The following DDX59 variants were observed in gnomAD, a reference collection of about 807,000 sequenced individuals.
The protein encoded by DDX59 is DEAD-box helicase 59.
In DDX59, 30 loss-of-function variants were observed where a neutral mutation model predicts 51.9. The observed-to-expected ratio is 0.58, with a 90% CI of 0.43 to 0.78. The LOEUF (loss-of-function observed/expected upper bound fraction) is 0.78. DDX59 is among the 30% of genes least tolerant of loss of function. The probability of loss-of-function intolerance (pLI) is 0.00; values close to 1 mark genes in which losing one functional copy is unlikely to be tolerated. For synonymous variants in DDX59, 255 were observed against 253.3 expected (o/e 1.01, Z -0.06); for missense variants, 672 against 730.8 (o/e 0.92, Z 0.93).
Position 200,660,915 on chromosome 1 carries a change from C to T in DDX59, c.973-1799G>A, listed in dbSNP as rs553544986. Among the ~76,000 whole-genome samples, 102 of 152,290 alleles carry T rather than the reference C, an allele frequency of 6.7e-4. 1 individual carries two copies. Among genetic ancestry groups the T allele is most frequent in the Non-Finnish European group, 1.2e-3 (81 of 68,018 alleles). On this transcript the variant is annotated intron_variant, in intron 3 of 7. Transcript: ENST00000331314. The stretch of plus-strand genomic sequence containing the variant: ...GATCCTGGAACCAATCCCTGGCAGA[C>T]GCCCAGCGATGACTGTATTCCCTAG...
At chr1:200,643,437 A>C (rs988830840), downstream of DDX59, among the ~76,000 whole-genome samples, 14 of 152,148 alleles carry the variant, frequency 9.2e-5, no homozygotes, top group African/African-American at 3.4e-4. Context: ...AAGTCAGGAG[A>C]TTGAGACCAT....
chr1:200,666,846 C>G, intron 1 of DDX59, 95 bp from the exon 2 acceptor site: 8 of 1,273,888 alleles, frequency 6.3e-6, no homozygotes, highest in Non-Finnish European at 8.6e-6. Flanking sequence ...GGTGGCTCAC[C>G]CCTGTAATCC....
rs777404977 is a variant in DDX59 at position 200,649,843 on chromosome 1, C to CTT, written c.1314+580_1314+581dup. Among the ~76,000 whole-genome samples the CTT allele has an allele frequency of 2.0e-3, 282 of 140,008 alleles. 2 individuals are homozygous for CTT. Among genetic ancestry groups the CTT allele is most frequent in the African/African-American group, 7.0e-3 (266 of 38,064 alleles). The allele number at this position is 140,008 out of a possible 152,430, so 91.9% of individuals were successfully genotyped here. On this transcript the variant is annotated intron_variant, in intron 5 of 7. Transcript: ENST00000331314. The stretch of plus-strand genomic sequence containing the variant: ...AATACCAACCATATTTAACTTAATA[C>CTT]TTTTTTTTTTTTTTTTTGAGACAGA...
At chr1:200,656,481 C>T (rs1175965462) in intron 4 of DDX59, among the ~76,000 whole-genome samples, 2 of 152,172 alleles carry the variant, frequency 1.3e-5, no homozygotes, top group Non-Finnish European at 2.9e-5. Flanking sequence ...TGATGCCATC[C>T]AAACTTATCC....
chr1:200,650,734 C>A, intron 4 of DDX59, 58 bp from the exon 5 acceptor site: 3 of 1,398,010 alleles, frequency 2.1e-6, no homozygotes, highest in Non-Finnish European at 1.9e-6. Context: ...AGAACCACCC[C>A]CAAAAAAGAC....
At chr1:200,641,721 T>C (rs941706569), downstream of DDX59, among the ~76,000 whole-genome samples, 1 of 146,244 alleles carries the variant, frequency 6.8e-6, no homozygotes, top group African/African-American at 2.6e-5. Flanking sequence ...ATACAAAAAT[T>C]AGGCTGTGTG....
chr1:200,644,091 A>G lies in DDX59; in HGVS notation c.*163T>C. The G allele has an allele frequency of 1.7e-6, 1 of 598,804 alleles. No individual in the cohort carries two copies. The highest frequency in any genetic ancestry group is 2.2e-6 in the Non-Finnish European group (1 of 454,474). The allele number at this position is 598,804 out of a possible 1,614,324, so 37.1% of individuals were successfully genotyped here. ...AATAATTCATTTTCTGATGTTTTTAATTTATAAGAATTAAGGGAAATAAAT... is the reference window on the plus strand; with the variant it reads ...AATAATTCATTTTCTGATGTTTTTAGTTTATAAGAATTAAGGGAAATAAAT... On this transcript the variant is annotated 3_prime_UTR_variant, in exon 8 of 8. Coordinates refer to ENST00000331314, the MANE Select transcript of DDX59 (RefSeq NM_001031725.6).
chr1:200,653,938 C>T (rs184489808), intron 4 of DDX59, among the ~76,000 whole-genome samples: 3 of 152,340 alleles, frequency 2.0e-5, no homozygotes, highest in East Asian at 3.9e-4. Flanking sequence ...ATCACAGCTA[C>T]ACGAGACAGT....
At position 200,648,573 on chromosome 1, in the gene DDX59, C is replaced by T; in HGVS notation, c.1468-6G>A. 1 of 1,599,424 alleles carries T rather than the reference C, an allele frequency of 6.3e-7. No individual in the cohort carries two copies. Among genetic ancestry groups the T allele is most frequent in the Non-Finnish European group, 8.5e-7 (1 of 1,175,044 alleles). ...TAGTCTCCTTCAAGTAATCCCTTTC[C>T]AAAAAAGCAACAAAATTTATTATTC... On this transcript the variant is annotated splice_region_variant and splice_polypyrimidine_tract_variant and intron_variant, in intron 6 of 7. Coordinates refer to ENST00000331314, the MANE Select transcript of DDX59 (RefSeq NM_001031725.6).
chr1:200,646,716 A>G (rs1191970952), intron 7 of DDX59, among the ~76,000 whole-genome samples: 1 of 152,230 alleles, frequency 6.6e-6, no homozygotes, highest in Non-Finnish European at 1.5e-5. Flanking sequence ...TGCTAAACAC[A>G]GAGTTACTAT....
chr1:200,664,889 G>A (rs1000012685), intron 2 of DDX59, among the ~76,000 whole-genome samples: 3 of 152,074 alleles, frequency 2.0e-5, no homozygotes, highest in Non-Finnish European at 2.9e-5. Context: ...TGACCAGGCC[G>A]GTCTTGAACT....
rs1571612608 is a variant in DDX59, at chr1:200,648,500, A to G, written c.1535T>C (p.Ile512Thr). The G allele has an allele frequency of 1.9e-6, 3 of 1,614,182 alleles. No homozygotes were observed. The highest frequency in any genetic ancestry group is 2.5e-6 in the Non-Finnish European group (3 of 1,180,026). Residue 512 changes from isoleucine to threonine, a missense_variant, in exon 7 of 8, where the codon ATC becomes ACC. Physicochemically the swap from Ile to Thr is moderately conservative, Grantham distance 89. Coordinates refer to ENST00000331314, the MANE Select transcript of DDX59 (RefSeq NM_001031725.6). ...AAAATTGACAACCAGCCTGACACTG[A>G]TCAAGTCTAGGCCTCGTCCCAAGAC... Reference protein sequence around the residue: ...TGVLGRGLDLISVRLVVNFDM... With the variant: ...TGVLGRGLDLTSVRLVVNFDM...
chr1:200,652,519 G>A (rs1661731252), intron 4 of DDX59, among the ~76,000 whole-genome samples: 1 of 151,722 alleles, frequency 6.6e-6, no homozygotes, highest in Non-Finnish European at 1.5e-5. Flanking sequence ...ACAGGCACAT[G>A]CCACCACACC....
chr1:200,666,512 G>T lies in DDX59; in HGVS notation c.229C>A (p.Pro77Thr). The T allele has an allele frequency of 6.2e-7, 1 of 1,614,158 alleles. No homozygotes were observed. ...GQLAEVHSVS[P>T]EQGAKDSHPS... ...TGGCTGTCCTTCGCACCCTGCTCGGGACTTACTGAATGAACCTCTGCCAAC... is the reference window on the plus strand; with the variant it reads ...TGGCTGTCCTTCGCACCCTGCTCGGTACTTACTGAATGAACCTCTGCCAAC... The change falls in exon 2 of 8, where the codon CCC (proline) becomes ACC (threonine). Residue 77 changes from proline to threonine, a missense_variant. Transcript: ENST00000331314.
intron 3 of DDX59, among the ~76,000 whole-genome samples, chr1:200,662,097 T>C (rs527714281): frequency 6.6e-6 from 1 of 152,326 alleles, no homozygotes; most frequent in East Asian, 1.9e-4. Flanking sequence ...CAGAAGCCAC[T>C]ATGCTTCCTG....
In DDX59 at chr1:200,669,552, C is replaced by T. The variant is rs190083961; in HGVS notation, c.-12+215G>A. 5 of 152,446 alleles carry T rather than the reference C, an allele frequency of 3.3e-5. No individual in the cohort carries two copies. In the East Asian group the frequency reaches 9.6e-4, roughly 29 times the overall value. 9.4% of individuals were successfully genotyped at this position (152,446 alleles called of 1,614,324 possible). A position where few individuals can be genotyped will look rare whatever the true frequency, so the allele number is the denominator to read the frequency against. ...CTCGGGCGTTGCCTCCCACCCACGC[C>T]CGGCGGCACCGCACCCCGAGGCGCT... On this transcript the variant is annotated intron_variant, in intron 1 of 7. Transcript: ENST00000331314.
intron 2 of DDX59, among the ~76,000 whole-genome samples, chr1:200,665,264 T>C (rs781380862): frequency 6.6e-6 from 1 of 152,112 alleles, no homozygotes; most frequent in Non-Finnish European, 1.5e-5. Flanking sequence ...GAGACCAGCC[T>C]GACCAATAAG....
At chr1:200,652,107 T>C (rs12041320) in intron 4 of DDX59, among the ~76,000 whole-genome samples, 48,134 of 151,852 alleles carry the variant, frequency 0.32, 8,635 homozygotes, top group Non-Finnish European at 0.42. Flanking sequence ...TTCTTTTTTT[T>C]CCCCCTTCTG....
intron 3 of DDX59, 116 bp downstream of exon 3, chr1:200,663,803 G>T: frequency 1.0e-4 from 92 of 923,744 alleles, no homozygotes; most frequent in Non-Finnish European, 1.2e-4. Context: ...TACTTGGTAA[G>T]AATTTAAAGG....
Sources: allele counts gnomAD v4.1 joint callset (sites outside exome capture counted in the v4.1 genomes callset), GRCh38; gene constraint gnomAD v4.1.1; transcripts MANE v1.5; gene names NCBI Gene and HGNC (gene_info 2026-07-23, HGNC 2026-07-21).